ECHDC2: variants seen among roughly 807,000 people sequenced by gnomAD.
The protein encoded by ECHDC2 is enoyl-CoA hydratase domain containing 2, also known as enoyl-CoA hydratase domain-containing protein 2, mitochondrial.
ECHDC2 carries 34 observed loss-of-function variants against 40.6 expected under a neutral mutation model. The observed-to-expected ratio is 0.84, with a 90% CI of 0.64 to 1.11. The LOEUF (loss-of-function observed/expected upper bound fraction) is 1.11. ECHDC2 is among the 50% of genes most tolerant of loss of function. ECHDC2 has a pLI of 0.00. For synonymous variants in ECHDC2, 162 were observed against 166.6 expected (o/e 0.97, Z 0.21); for missense variants, 392 against 400.7 (o/e 0.98, Z 0.19).
rs796066818 is a variant in ECHDC2 at position 52,899,359 on chromosome 1, T to G, written c.703-135A>C. ...TCCAGCCATTCTGCTGACAGTTTCT[T>G]TAGCGTTAGTCCTATAACCTGTTAG... On this transcript the variant is annotated intron_variant, in intron 7 of 9. Transcript: ENST00000371522. 8.4e-5 allele frequency: 64 copies of G among 763,540 alleles called. No individual in the cohort carries two copies. The Admixed American group carries it at 1.0e-3, about 12-fold the overall frequency. The allele number at this position is 763,540 out of a possible 1,614,324, so 47.3% of individuals were successfully genotyped here. A position where few individuals can be genotyped will look rare whatever the true frequency, so the allele number is the denominator to read the frequency against.
intron 3 of ECHDC2, among the ~76,000 whole-genome samples, chr1:52,910,353 T>C (rs371391490): frequency 0.11 from 2,453 of 23,046 alleles, 114 homozygotes; most frequent in African/African-American, 0.31. Flanking sequence ...CACAATTTCG[T>C]TTTTTTTTTT....
intron 1 of ECHDC2, among the ~76,000 whole-genome samples, chr1:52,918,658 G>A (rs2150073628): frequency 6.6e-6 from 1 of 152,298 alleles, no homozygotes; most frequent in South Asian, 2.1e-4. Flanking sequence ...ATGTGTTTGT[G>A]TTTTAAGCTG....
At position 52,911,711 on chromosome 1, in the gene ECHDC2, G is replaced by T; in HGVS notation, c.189+12C>A. ...CCATCCCCAGCCCACCCTGGCGCCCGCCCTTTCTTACCTCACTGACGAAGA... is the reference window on the plus strand; with the variant it reads ...CCATCCCCAGCCCACCCTGGCGCCCTCCCTTTCTTACCTCACTGACGAAGA... On this transcript the variant is annotated intron_variant, in intron 2 of 9. Transcript: ENST00000371522. 1 of 1,421,410 alleles carries T rather than the reference G, an allele frequency of 7.0e-7. No individual in the cohort carries two copies. The highest frequency in any genetic ancestry group is 9.8e-7 in the Non-Finnish European group (1 of 1,016,250). 88.0% of individuals were successfully genotyped at this position (1,421,410 alleles called of 1,614,324 possible). A position where few individuals can be genotyped will look rare whatever the true frequency, so the allele number is the denominator to read the frequency against.
Position 52,895,918 on chromosome 1 carries a change from T to G in ECHDC2, c.*602A>C, listed in dbSNP as rs1646620761. On this transcript the variant is annotated 3_prime_UTR_variant, in exon 10 of 10. Transcript: ENST00000371522. ...CACGAAAACACTGTAAGTTAACAAT[T>G]AAAACATATTTATTGAATATGAAGT... The G allele has an allele frequency of 1.3e-5, 2 of 152,704 alleles. No individual in the cohort carries two copies. Among genetic ancestry groups the G allele is most frequent in the Admixed American group, 6.5e-5 (1 of 15,352 alleles). The allele number at this position is 152,704 out of a possible 1,614,324, so 9.5% of individuals were successfully genotyped here. A position where few individuals can be genotyped will look rare whatever the true frequency, so the allele number is the denominator to read the frequency against.
intron 9 of ECHDC2, chr1:52,897,229 C>A (rs1646693983): frequency 1.6e-6 from 1 of 606,932 alleles, no homozygotes. Flanking sequence ...GGATGAACCC[C>A]AGTACATTAG....
At position 52,911,628 on chromosome 1, in the gene ECHDC2, C is replaced by G; in HGVS notation, c.215G>C (p.Arg72Pro). The G allele has an allele frequency of 1.9e-6, 3 of 1,614,156 alleles. No homozygotes were observed. In the Middle Eastern group the frequency reaches 5.0e-4, roughly 266 times the overall value. Reference protein sequence around the residue: ...SELLETLAQLREDRQVRVLLF... With the variant: ...SELLETLAQLPEDRQVRVLLF... ...CAGGACACGCACTTGCCGGTCCTCC[C>G]GCAGCTGGGCCAGAGTTTCCAGCAG... is the stretch of plus-strand genomic sequence containing the variant. The change falls in exon 3 of 10, where the codon CGG becomes CCG. Residue 72 changes from arginine (R) to proline (P), a missense_variant. By Grantham distance (103) the Arg-to-Pro change is moderately radical. Transcript: ENST00000371522.
rs1394481600 is a variant in ECHDC2, at chr1:52,896,141, G to T, written c.*379C>A. 4.9e-6 allele frequency: 1 copy of T among 206,176 alleles called. No homozygotes were observed. The highest frequency in any genetic ancestry group is 1.0e-5 in the Non-Finnish European group (1 of 98,394). The allele number at this position is 206,176 out of a possible 1,614,324, so 12.8% of individuals were successfully genotyped here. A position where few individuals can be genotyped will look rare whatever the true frequency, so the allele number is the denominator to read the frequency against. The stretch of plus-strand genomic sequence containing the variant: ...TGTTGTTCACAGGAAGAAACTAGGG[G>T]TATCTTAAAATCTTCTGACATCTCT... On this transcript the variant is annotated 3_prime_UTR_variant, in exon 10 of 10. Transcript: ENST00000371522.
intron 3 of ECHDC2, among the ~76,000 whole-genome samples, chr1:52,911,197 C>T (rs936006502): frequency 6.6e-6 from 1 of 151,960 alleles, no homozygotes; most frequent in Non-Finnish European, 1.5e-5. Context: ...AGGCTGGTCT[C>T]GAACTCGGGC....
At chr1:52,898,716 G>A (rs1646796183) in intron 8 of ECHDC2, 1 of 214,652 alleles carries the variant, frequency 4.7e-6, no homozygotes, top group Non-Finnish European at 9.4e-6. Flanking sequence ...TGTGTGATGA[G>A]TGACTAGATG....
rs779581866 is a variant in ECHDC2 at position 52,921,561 on chromosome 1, G to C, written c.113C>G (p.Pro38Arg). Residue 38 changes from proline (P) to arginine (R), a missense_variant, in exon 1 of 10, where the codon CCG becomes CGG. Coordinates refer to ENST00000371522, the MANE Select transcript of ECHDC2 (RefSeq NM_001198961.2). The stretch of plus-strand genomic sequence containing the variant: ...CGGAACTGCACATTTACCTTGGTCC[G>C]GACCCGCCAGGGCGCGCACTTGGAT... ...SEIQVRALAG[P>R]DQGITEILMN... 1.2e-6 allele frequency: 2 copies of C among 1,609,434 alleles called. No individual in the cohort carries two copies. The highest frequency in any genetic ancestry group is 1.3e-5 in the African/African-American group (1 of 74,896).
In ECHDC2 at chr1:52,921,499, G is replaced by A. The variant is rs532284366; in HGVS notation, c.121+54C>T. The A allele has an allele frequency of 7.7e-6, 12 of 1,561,038 alleles. No individual in the cohort carries two copies. The East Asian group carries it at 2.4e-4, about 31-fold the overall frequency. ...GCGGCCCACCTGCCGGTCCCCCGCT[G>A]CCTCCGGCCTAGTCCCAGTCGCGTC... On this transcript the variant is annotated intron_variant, in intron 1 of 9. Transcript: ENST00000371522.
At position 52,904,747 on chromosome 1, in the gene ECHDC2, C is replaced by CCTCAGTTCCA. The variant is rs771400367; in HGVS notation, c.591_600dup (p.Ala201TrpfsTer3). On this transcript the variant is annotated stop_gained and frameshift_variant, in exon 7 of 10. Transcript: ENST00000371522. LOFTEE classifies it high-confidence loss of function. ...TGATTCACCAGCCCCAGTACGTGGG[C>CCTCAGTTCCA]CTCAGTTCCACTCAGTCGTCGGCCC... The CCTCAGTTCCA allele has an allele frequency of 9.7e-5, 156 of 1,612,932 alleles. No homozygotes were observed. Among genetic ancestry groups the CCTCAGTTCCA allele is most frequent in the Non-Finnish European group, 1.2e-4 (138 of 1,180,022 alleles).
intron 4 of ECHDC2, 97 bp from the exon 5 acceptor site, chr1:52,906,708 T>C: frequency 1.2e-6 from 1 of 820,944 alleles, no homozygotes; most frequent in African/African-American, 1.7e-5. Flanking sequence ...GACAGAGGCC[T>C]CAGTGGACCC....
At chr1:52,916,614 A>AAC (rs1234494431) in intron 1 of ECHDC2, among the ~76,000 whole-genome samples, 2 of 152,228 alleles carry the variant, frequency 1.3e-5, no homozygotes, top group African/African-American at 4.8e-5. Context: ...ACAGTATCTG[A>AAC]ACTTTAAGCT....
At position 52,905,044 on chromosome 1, in the gene ECHDC2, G is replaced by C; in HGVS notation, c.504C>G (p.Leu168=). Reference sequence around the variant, plus strand: ...TGTAGTTGCGATTACCTGCCCCCGGGAGGAGCCCTCGCGTGGTCTCAATCA... The same window carrying C: ...TGTAGTTGCGATTACCTGCCCCCGGCAGGAGCCCTCGCGTGGTCTCAATCA... ...MGLIETTRGL[L]PGAGGTQRLP... The change falls in exon 6 of 10, where the codon CTC becomes CTG. Residue 168 remains leucine, a synonymous_variant. Transcript: ENST00000371522. The C allele has an allele frequency of 6.2e-7, 1 of 1,614,182 alleles. No individual in the cohort carries two copies. Among genetic ancestry groups the C allele is most frequent in the Non-Finnish European group, 8.5e-7 (1 of 1,180,028 alleles).
At chr1:52,908,822 T>C (rs1374939109) in intron 3 of ECHDC2, among the ~76,000 whole-genome samples, 2 of 148,084 alleles carry the variant, frequency 1.4e-5, no homozygotes, top group South Asian at 4.2e-4. Context: ...TAATCCCAGC[T>C]ACTAGGGAGG....
intron 9 of ECHDC2, 132 bp downstream of exon 9, chr1:52,897,305 T>A: frequency 2.2e-6 from 2 of 926,282 alleles, no homozygotes; most frequent in South Asian, 2.8e-5. Flanking sequence ...AGGTGACTTA[T>A]GAGGGACGAT....
Position 52,906,542 on chromosome 1 carries a change from A to G in ECHDC2, c.434T>C (p.Leu145Pro), listed in dbSNP as rs1343252740. Reference sequence around the variant, plus strand: ...ACCTGCCACTCGGAGGTCACAGGCCAGGGCAAGCTCTAGGCCTCCGCCCAA... The same window carrying G: ...ACCTGCCACTCGGAGGTCACAGGCCGGGGCAAGCTCTAGGCCTCCGCCCAA... ...FALGGGLELA[L>P]ACDLRVAASS... Residue 145 changes from leucine (L) to proline (P), a missense_variant, in exon 5 of 10, where the codon CTG becomes CCG. Physicochemically the swap from Leu to Pro is moderately conservative, Grantham distance 98. Transcript: ENST00000371522. 3 of 1,612,290 alleles carry G rather than the reference A, an allele frequency of 1.9e-6. No individual in the cohort carries two copies. Among genetic ancestry groups the G allele is most frequent in the African/African-American group, 1.3e-5 (1 of 74,930 alleles).
intron 8 of ECHDC2, chr1:52,898,758 G>C (rs1402702048): frequency 7.3e-6 from 2 of 272,618 alleles, no homozygotes; most frequent in East Asian, 2.3e-4. Context: ...GGATTAACTA[G>C]ATGGGAGAGT....
Sources: allele counts gnomAD v4.1 joint callset (sites outside exome capture counted in the v4.1 genomes callset), GRCh38; gene constraint gnomAD v4.1.1; transcripts MANE v1.5; gene names NCBI Gene and HGNC (gene_info 2026-07-23, HGNC 2026-07-21).